The following B3GNT2 variants were observed in gnomAD, a reference collection of about 807,000 sequenced individuals.
B3GNT2 encodes the protein N-acetyllactosaminide beta-1,3-N-acetylglucosaminyltransferase 2.
Under a neutral mutation model 27.6 loss-of-function variants are expected in B3GNT2, and 12 were observed. The observed-to-expected ratio is 0.44, with a 90% CI of 0.28 to 0.71. The LOEUF (loss-of-function observed/expected upper bound fraction) is 0.71, where lower values mean the gene tolerates loss of function less well. Among genes scored for constraint, B3GNT2 ranks in the 30% least tolerant of loss-of-function variants. The pLI, the probability that B3GNT2 is intolerant of heterozygous loss-of-function variation, is 0.17. For synonymous variants in B3GNT2, 192 were observed against 189.7 expected (o/e 1.01, Z -0.10); for missense variants, 413 against 488.5 (o/e 0.85, Z 1.46).
At chr2:62,218,638 G>T (rs1674621169) in intron 1 of B3GNT2, among the ~76,000 whole-genome samples, 2 of 152,210 alleles carry the variant, frequency 1.3e-5, no homozygotes, top group Admixed American at 6.5e-5. Flanking sequence ...AAGAGATCCA[G>T]AGAGTCCTGG....
chr2:62,206,139 T>C (rs1346999210), intron 1 of B3GNT2, among the ~76,000 whole-genome samples: 2 of 152,050 alleles, frequency 1.3e-5, no homozygotes, highest in African/African-American at 2.4e-5. Flanking sequence ...GGGGTGCTGG[T>C]GTCTAGAGGC....
intron 1 of B3GNT2, among the ~76,000 whole-genome samples, chr2:62,197,409 T>C (rs1170028426): frequency 6.6e-6 from 1 of 152,144 alleles, no homozygotes; most frequent in East Asian, 1.9e-4. Context: ...TCTTTAAAAA[T>C]ATGTACATTT....
chr2:62,216,105 C>A (rs528265355), intron 1 of B3GNT2, among the ~76,000 whole-genome samples: 1 of 152,236 alleles, frequency 6.6e-6, no homozygotes, highest in Non-Finnish European at 1.5e-5. Context: ...GTCCTCATGG[C>A]TGTTGGTGGC....
intron 1 of B3GNT2, among the ~76,000 whole-genome samples, chr2:62,209,284 G>A (rs1056836264): frequency 4.6e-5 from 7 of 152,154 alleles, no homozygotes; most frequent in African/African-American, 1.7e-4. Context: ...ACACGTGGTA[G>A]TAATCCTGGT....
chr2:62,217,608 C>T (rs568577940), intron 1 of B3GNT2, among the ~76,000 whole-genome samples: 17 of 152,312 alleles, frequency 1.1e-4, no homozygotes, highest in Admixed American at 2.0e-4. Context: ...TACGGCGATG[C>T]TGACACAGGC....
rs760956481 is a variant in B3GNT2, at chr2:62,196,655, C to T, written c.-10+300C>T. On this transcript the variant is annotated intron_variant, in intron 1 of 1. Coordinates refer to ENST00000301998, the MANE Select transcript of B3GNT2 (RefSeq NM_006577.6). ...CGCCCGCTGCGGGGCTTTGGAACCT[C>T]CCAACCCATTCCGTGCCCACCTCGC... Among the ~76,000 whole-genome samples, 55 of 152,360 alleles carry T rather than the reference C, an allele frequency of 3.6e-4. 1 individual carries two copies. Among genetic ancestry groups the T allele is most frequent in the Admixed American group, 9.1e-4 (14 of 15,308 alleles).
At chr2:62,220,070 CTG>C (rs1674660235) in intron 1 of B3GNT2, among the ~76,000 whole-genome samples, 1 of 152,258 alleles carries the variant, frequency 6.6e-6, no homozygotes, top group Non-Finnish European at 1.5e-5. Context: ...ATTATAAAAA[CTG>C]TGCTTACATT....
chr2:62,206,795 T>C (rs1674384104), intron 1 of B3GNT2, among the ~76,000 whole-genome samples: 1 of 152,178 alleles, frequency 6.6e-6, no homozygotes, highest in Non-Finnish European at 1.5e-5. Context: ...CTCTCCAAGC[T>C]GCTACCCTAC....
At chr2:62,196,906 T>C (rs1433816730) in intron 1 of B3GNT2, among the ~76,000 whole-genome samples, 1 of 151,936 alleles carries the variant, frequency 6.6e-6, no homozygotes, top group African/African-American at 2.4e-5. Flanking sequence ...TCAGGTGTTT[T>C]GTGAGCCAAA....
At chr2:62,208,157 T>C (rs977600514) in intron 1 of B3GNT2, among the ~76,000 whole-genome samples, 1 of 152,090 alleles carries the variant, frequency 6.6e-6, no homozygotes, top group Non-Finnish European at 1.5e-5. Context: ...CTTGTTTGTA[T>C]GTGTCTGTAG....
chr2:62,217,648 G>A (rs1381009295), intron 1 of B3GNT2, among the ~76,000 whole-genome samples: 2 of 152,198 alleles, frequency 1.3e-5, no homozygotes, highest in African/African-American at 4.8e-5. Flanking sequence ...AGGGAACCCC[G>A]CATGGGGCTG....
rs1010559458 is a variant in B3GNT2, at chr2:62,223,644, C to CG, written c.*232dup. On this transcript the variant is annotated 3_prime_UTR_variant, in exon 2 of 2. Transcript: ENST00000301998. Reference sequence around the variant, plus strand: ...GCAGGATGATTGGTTCTGATCTTACCGGCTAGTGGTCATTTTTAAAAAACT... The same window carrying CG: ...GCAGGATGATTGGTTCTGATCTTACCGGGCTAGTGGTCATTTTTAAAAAACT... The CG allele has an allele frequency of 7.2e-6, 3 of 414,654 alleles. No individual in the cohort carries two copies. The East Asian group carries it at 1.2e-4, about 17-fold the overall frequency. 25.7% of individuals were successfully genotyped at this position (414,654 alleles called of 1,614,324 possible). A position where few individuals can be genotyped will look rare whatever the true frequency, so the allele number is the denominator to read the frequency against.
intron 1 of B3GNT2, among the ~76,000 whole-genome samples, chr2:62,208,623 A>AGG (rs1674424437): frequency 6.6e-6 from 1 of 152,188 alleles, no homozygotes; most frequent in Admixed American, 6.5e-5. Flanking sequence ...CAGGGACCAG[A>AGG]GGGAGGGATG....
chr2:62,223,653 G>T lies in B3GNT2; in HGVS notation c.*239G>T, dbSNP rs1238335800. 1 of 386,134 alleles carries T rather than the reference G, an allele frequency of 2.6e-6. No individual in the cohort carries two copies. Among genetic ancestry groups the T allele is most frequent in the Non-Finnish European group, 4.8e-6 (1 of 207,042 alleles). The allele number at this position is 386,134 out of a possible 1,614,324, so 23.9% of individuals were successfully genotyped here. A position where few individuals can be genotyped will look rare whatever the true frequency, so the allele number is the denominator to read the frequency against. On this transcript the variant is annotated 3_prime_UTR_variant, in exon 2 of 2. Transcript: ENST00000301998. ...TTGGTTCTGATCTTACCGGCTAGTG[G>T]TCATTTTTAAAAAACTTGTACCCTC... is the stretch of plus-strand genomic sequence containing the variant.
intron 1 of B3GNT2, among the ~76,000 whole-genome samples, chr2:62,213,158 A>T (rs116353127): frequency 0.01 from 1,542 of 152,288 alleles, 28 homozygotes; most frequent in African/African-American, 0.036. Context: ...AAAAAAATTT[A>T]AAAAATTAGT....
chr2:62,220,959 T>C lies in B3GNT2; in HGVS notation c.-9-1253T>C, dbSNP rs1282445687. 5.3e-5 allele frequency among the ~76,000 whole-genome samples: 8 copies of C among 152,212 alleles called. No homozygotes were observed. In the East Asian group the frequency reaches 1.5e-3, roughly 29 times the overall value. On this transcript the variant is annotated intron_variant, in intron 1 of 1. Transcript: ENST00000301998. The stretch of plus-strand genomic sequence containing the variant: ...CTTTTGATATTTCACTAAAATATCA[T>C]TTGTATTTCCCTTTTTGCTACAAAC...
At chr2:62,221,940 T>C (rs1031295576) in intron 1 of B3GNT2, 3 of 536,306 alleles carry the variant, frequency 5.6e-6, no homozygotes, top group Non-Finnish European at 1.0e-5. Context: ...CACGCGCTAT[T>C]TTAAAAGCTT....
At chr2:62,199,639 G>A (rs940214348) in intron 1 of B3GNT2, among the ~76,000 whole-genome samples, 1 of 152,192 alleles carries the variant, frequency 6.6e-6, no homozygotes, top group African/African-American at 2.4e-5. Context: ...TGGTTGCTTG[G>A]TATTTTTGGT....
chr2:62,224,466 T>G lies in B3GNT2; in HGVS notation c.*1052T>G, dbSNP rs1022174790. ...TATGTAATATTTTATTTGTATACAG[T>G]GTTGTTGATGAAATATTTAACTAGA... On this transcript the variant is annotated 3_prime_UTR_variant, in exon 2 of 2. Coordinates refer to ENST00000301998, the MANE Select transcript of B3GNT2 (RefSeq NM_006577.6). 3 of 167,050 alleles carry G rather than the reference T, an allele frequency of 1.8e-5. No homozygotes were observed. Among genetic ancestry groups the G allele is most frequent in the African/African-American group, 7.2e-5 (3 of 41,450 alleles). 10.3% of individuals were successfully genotyped at this position (167,050 alleles called of 1,614,324 possible).
Sources: gnomAD v4.1 joint callset for allele counts (sites outside exome capture counted in the v4.1 genomes callset) on GRCh38, gnomAD v4.1.1 for gene constraint, MANE v1.5 for transcripts, NCBI Gene and HGNC (gene_info 2026-07-23, HGNC 2026-07-21) for gene names.